The following TPM1 variants were observed in gnomAD, a reference collection of about 807,000 sequenced individuals.
The protein encoded by TPM1 is tropomyosin alpha-1 chain.
A neutral mutation model predicts 42.9 loss-of-function variants in TPM1; 24 were observed. The ratio of observed to expected loss-of-function variants is 0.56; its 90% CI spans 0.41 to 0.79. The LOEUF (loss-of-function observed/expected upper bound fraction) is 0.79. Among genes scored for constraint, TPM1 ranks in the 30% least tolerant of loss-of-function variants. The pLI is 0.00. For synonymous variants in TPM1, 136 were observed against 130.1 expected (o/e 1.05, Z -0.31); for missense variants, 158 against 351.8 (o/e 0.45, Z 4.41).
At chr15:63,067,033 C>T (rs1470116491), downstream of TPM1, among the ~76,000 whole-genome samples, 1 of 151,896 alleles carries the variant, frequency 6.6e-6, no homozygotes, top group African/African-American at 2.4e-5. Context: ...AGAACTTTAA[C>T]TAATATGGAC....
intron 2 of TPM1, chr15:63,048,783 T>A (rs1417794496): frequency 2.0e-5 from 29 of 1,481,332 alleles, no homozygotes; most frequent in Non-Finnish European, 2.4e-5. Flanking sequence ...CCCTCCTGCT[T>A]CCCCCCCCGC....
intron 8 of TPM1, 189 bp from the exon 9 acceptor site, chr15:63,063,875 T>C: frequency 1.5e-6 from 1 of 679,986 alleles, no homozygotes. Flanking sequence ...CTCTTTGTTT[T>C]TGTTTCAATT....
chr15:63,043,591 C>G, intron 1 of TPM1: 1 of 1,495,734 alleles, frequency 6.7e-7, no homozygotes, highest in Non-Finnish European at 9.0e-7. Context: ...CTTTGCACTC[C>G]AACTCGGCGG....
intron 2 of TPM1, chr15:63,045,850 T>C (rs867845841): frequency 2.6e-5 from 4 of 152,316 alleles, no homozygotes; most frequent in African/African-American, 9.6e-5. Context: ...GTTTTGGTTA[T>C]TTTTCCCACC....
downstream of TPM1, chr15:63,066,296 T>G: frequency 2.7e-6 from 2 of 739,316 alleles, no homozygotes; most frequent in Non-Finnish European, 3.6e-6. Context: ...TACCCAGGCC[T>G]GCATTCCCTC....
chr15:63,064,200 T>C, intron 9 of TPM1, 58 bp downstream of exon 9: 2 of 1,586,708 alleles, frequency 1.3e-6, no homozygotes, highest in Non-Finnish European at 1.7e-6. Context: ...TGTAATAAAC[T>C]CACCACCATG....
intron 3 of TPM1, among the ~76,000 whole-genome samples, chr15:63,057,480 CTTTAT>C (rs989840190): frequency 2.2e-4 from 33 of 152,302 alleles, no homozygotes; most frequent in African/African-American, 7.5e-4. Context: ...TAAAGTGTAA[CTTTAT>C]TTTATAATAT....
At chr15:63,070,882 A>T (rs1595699584), downstream of TPM1, 1 of 1,357,930 alleles carries the variant, frequency 7.4e-7, no homozygotes, top group East Asian at 3.0e-5. Flanking sequence ...CTGCTCTGTG[A>T]GAATCCGTGC....
chr15:63,060,535 A>T (rs1199603658), intron 4 of TPM1, among the ~76,000 whole-genome samples: 1 of 152,120 alleles, frequency 6.6e-6, no homozygotes, highest in Non-Finnish European at 1.5e-5. Context: ...TTTTTAGTAC[A>T]TGTCTCATCC....
At chr15:63,047,404 G>A (rs1341590659) in intron 2 of TPM1, 2 of 152,266 alleles carry the variant, frequency 1.3e-5, no homozygotes, top group Non-Finnish European at 1.5e-5. Context: ...AGACTTAGAA[G>A]GCATTTAAGA....
chr15:63,054,749 AG>A (rs2034506720), intron 2 of TPM1, among the ~76,000 whole-genome samples: 1 of 152,230 alleles, frequency 6.6e-6, no homozygotes, highest in Non-Finnish European at 1.5e-5. Flanking sequence ...AAAGGGGGAA[AG>A]AAAAGAAAGT....
At chr15:63,070,820 A>G, downstream of TPM1, 1 of 1,257,370 alleles carries the variant, frequency 8.0e-7, no homozygotes. Flanking sequence ...AACCTTCACC[A>G]AACCCCACGT....
intron 1 of TPM1, 125 bp downstream of exon 1, chr15:63,043,068 G>T: frequency 1.2e-6 from 1 of 825,140 alleles, no homozygotes. Flanking sequence ...CACCCAGGGC[G>T]GCCAGGGCGC....
chr15:63,063,955 C>T (rs1486490354), intron 8 of TPM1, 109 bp from the exon 9 acceptor site: 3 of 1,501,882 alleles, frequency 2.0e-6, no homozygotes, highest in Non-Finnish European at 2.7e-6. Flanking sequence ...ATGCATTGCC[C>T]TTTTCTTGCT....
At chr15:63,049,703 C>T (rs16946345) in intron 2 of TPM1, among the ~76,000 whole-genome samples, 4,226 of 152,200 alleles carry the variant, frequency 0.028, 175 homozygotes, top group African/African-American at 0.089. Flanking sequence ...TATGGCTGGC[C>T]ACAGAAACTT....
chr15:63,063,679 ACTC>A, intron 8 of TPM1: 1 of 206,004 alleles, frequency 4.9e-6, no homozygotes, highest in Admixed American at 5.3e-5. Context: ...ATGCCTGACT[ACTC>A]CAGTGTAATT....
chr15:63,064,699 C>T (rs2036075634), intron 9 of TPM1: 9 of 988,792 alleles, frequency 9.1e-6, no homozygotes, highest in East Asian at 1.1e-4. Flanking sequence ...GGCACAGTGG[C>T]TCACGCCTGT....
chr15:63,066,083 T>G lies in TPM1; in HGVS notation c.*184T>G, dbSNP rs764354563. On this transcript the variant is annotated 3_prime_UTR_variant, in exon 10 of 10. Coordinates refer to ENST00000403994, the MANE Select transcript of TPM1 (RefSeq NM_001018005.2). ...CTTCGTTTCAGTGTCAAATAAACAC[T>G]GTGTAAGCTATTTCTGTTTGCTATT... The G allele has an allele frequency of 3.3e-6, 5 of 1,516,572 alleles. No individual in the cohort carries two copies. The highest frequency in any genetic ancestry group is 4.4e-5 in the Admixed American group (2 of 45,200). The allele number at this position is 1,516,572 out of a possible 1,614,324, so 93.9% of individuals were successfully genotyped here. A position where few individuals can be genotyped will look rare whatever the true frequency, so the allele number is the denominator to read the frequency against.
At chr15:63,051,375 A>G (rs773165446) in intron 2 of TPM1, among the ~76,000 whole-genome samples, 4 of 152,124 alleles carry the variant, frequency 2.6e-5, no homozygotes, top group African/African-American at 4.8e-5. Context: ...TATACTCTCG[A>G]TTTCCGCTTT....
Sources: gnomAD v4.1 joint callset for allele counts (sites outside exome capture counted in the v4.1 genomes callset) on GRCh38, gnomAD v4.1.1 for gene constraint, MANE v1.5 for transcripts, NCBI Gene and HGNC (gene_info 2026-07-23, HGNC 2026-07-21) for gene names.